CLMN: variants seen among roughly 807,000 people sequenced by gnomAD.
The protein encoded by CLMN is calmin, also known as calmin (calponin-like, transmembrane).
CLMN carries 57 observed loss-of-function variants against 92.7 expected under a neutral mutation model. The ratio of observed to expected loss-of-function variants is 0.61; its 90% confidence interval spans 0.50 to 0.77. The LOEUF is 0.77. CLMN is among the 30% of genes least tolerant of loss of function. The pLI is 0.00. For missense variants in CLMN, 1,158 were observed against 1,237.5 expected (o/e 0.94, Z 0.96); for synonymous variants, 466 against 470.6 (o/e 0.99, Z 0.13).
Position 95,252,493 on chromosome 14 carries a change from C to T in CLMN, c.83-22360G>A, listed in dbSNP as rs759626071. 9.2e-5 allele frequency among the ~76,000 whole-genome samples: 14 copies of T among 152,286 alleles called. No homozygotes were observed. In the East Asian group the frequency reaches 2.5e-3, roughly 27 times the overall value. On this transcript the variant is annotated intron_variant, in intron 1 of 12. Transcript: ENST00000298912. Reference sequence around the variant, plus strand: ...CAGTCCAAGCAAGACTCATTGCTTACGAGTAGCTGAGAGACATCTGGTCTG... The same window carrying T: ...CAGTCCAAGCAAGACTCATTGCTTATGAGTAGCTGAGAGACATCTGGTCTG...
In CLMN at chr14:95,191,947, C is replaced by T; in HGVS notation, c.2841-215G>A. The T allele has an allele frequency of 2.2e-6, 1 of 459,968 alleles. No individual in the cohort carries two copies. The allele number at this position is 459,968 out of a possible 1,614,324, so 28.5% of individuals were successfully genotyped here. On this transcript the variant is annotated intron_variant, in intron 12 of 12. Transcript: ENST00000298912. This position sits in a 1 kb window ranked among gnomAD's most constrained non-coding sequence, Gnocchi z 5.3. Reference sequence around the variant, plus strand: ...AGCCCCTCGAGCTTTTGCACGTACTCCGTTCATCTCCATAACATCAGGTGA... The same window carrying T: ...AGCCCCTCGAGCTTTTGCACGTACTTCGTTCATCTCCATAACATCAGGTGA...
In CLMN at chr14:95,314,102, G is replaced by GTT. The variant is rs1379663052; in HGVS notation, c.82+5608_82+5609insAA. Among the ~76,000 whole-genome samples the GTT allele has an allele frequency of 7.3e-4, 111 of 152,336 alleles. 1 individual carries two copies. The highest frequency in any genetic ancestry group is 2.5e-3 in the African/African-American group (105 of 41,576). On this transcript the variant is annotated intron_variant, in intron 1 of 12. Coordinates refer to ENST00000298912, the MANE Select transcript of CLMN (RefSeq NM_024734.4). ...CCCTCTCCCTGCTGCAAAGCCATTT[G>GTT]TGAGATGGGCTTCTGTTTTACCTGG...
intron 1 of CLMN, among the ~76,000 whole-genome samples, chr14:95,276,770 C>T (rs1294995387): frequency 1.3e-5 from 2 of 152,110 alleles, no homozygotes; most frequent in Non-Finnish European, 2.9e-5. Flanking sequence ...GAATTTGAGC[C>T]TTGCCAGGTG....
At chr14:95,312,570 C>A (rs1204525770) in intron 1 of CLMN, among the ~76,000 whole-genome samples, 1 of 152,170 alleles carries the variant, frequency 6.6e-6, no homozygotes, top group African/African-American at 2.4e-5. Flanking sequence ...TACTTGCTGA[C>A]AAGGACCCAT....
At position 95,203,691 on chromosome 14, in the gene CLMN, C is replaced by T; in HGVS notation, c.1658G>A (p.Gly553Glu). 1 of 1,614,146 alleles carries T rather than the reference C, an allele frequency of 6.2e-7. No homozygotes were observed. The highest frequency in any genetic ancestry group is 8.5e-7 in the Non-Finnish European group (1 of 1,180,026). The change falls in exon 9 of 13, where the codon GGA becomes GAA. Residue 553 changes from glycine (G) to glutamate (E), a missense_variant. Physicochemically the swap from Gly to Glu is moderately conservative, Grantham distance 98 (BLOSUM62 -2). Transcript: ENST00000298912. ...TAATGGGATGGCTTCAAAATAGTCTCCCTCCTCTAAAGCTTCTACAGTCAT... is the reference window on the plus strand; with the variant it reads ...TAATGGGATGGCTTCAAAATAGTCTTCCTCCTCTAAAGCTTCTACAGTCAT... ...NLMTVEALEE[G>E]DYFEAIPLKA... is the part of the protein sequence containing the mutation.
intron 1 of CLMN, among the ~76,000 whole-genome samples, chr14:95,316,636 T>C (rs1484926561): frequency 6.6e-6 from 1 of 152,212 alleles, no homozygotes; most frequent in Non-Finnish European, 1.5e-5. Context: ...GATAAAAGCC[T>C]TGGATGAGCA....
intron 1 of CLMN, among the ~76,000 whole-genome samples, chr14:95,246,606 G>C (rs1412519083): frequency 6.6e-6 from 1 of 152,164 alleles, no homozygotes; most frequent in Admixed American, 6.5e-5. Context: ...GTAGCTGGGA[G>C]TAGAGGCGCC....
intron 8 of CLMN, among the ~76,000 whole-genome samples, chr14:95,205,055 G>T (rs1897008979): frequency 6.6e-6 from 1 of 152,200 alleles, no homozygotes; most frequent in Admixed American, 6.5e-5. Flanking sequence ...CTGTGGTACT[G>T]CAGTGCTTGA....
rs1327503222 is a variant in CLMN at position 95,184,527 on chromosome 14, T to C, written c.*7037A>G. The C allele has an allele frequency of 2.0e-5, 3 of 152,340 alleles. No homozygotes were observed. The East Asian group carries it at 5.8e-4, about 29-fold the overall frequency. The allele number at this position is 152,340 out of a possible 1,614,324, so 9.4% of individuals were successfully genotyped here. A position where few individuals can be genotyped will look rare whatever the true frequency, so the allele number is the denominator to read the frequency against. On this transcript the variant is annotated 3_prime_UTR_variant, in exon 13 of 13. Coordinates refer to ENST00000298912, the MANE Select transcript of CLMN (RefSeq NM_024734.4). ...ATAGACAAGAATGTTTTTTGGCATGTTGCTCCAGCCCTGGCTGGGAGGAAC... is the reference window on the plus strand; with the variant it reads ...ATAGACAAGAATGTTTTTTGGCATGCTGCTCCAGCCCTGGCTGGGAGGAAC...
At chr14:95,193,114 C>T in intron 12 of CLMN, 1 of 531,410 alleles carries the variant, frequency 1.9e-6, no homozygotes, top group Non-Finnish European at 3.3e-6. Context: ...TCCTTCCAAG[C>T]CAATTCAAAT....
At chr14:95,292,490 C>T (rs1335099815) in intron 1 of CLMN, among the ~76,000 whole-genome samples, 1 of 139,338 alleles carries the variant, frequency 7.2e-6, no homozygotes, top group African/African-American at 2.6e-5. Context: ...GGCTCCATGG[C>T]CCTCCAGGAG....
At chr14:95,217,964 A>G (rs1234114566) in intron 4 of CLMN, among the ~76,000 whole-genome samples, 1 of 152,254 alleles carries the variant, frequency 6.6e-6, no homozygotes, top group Non-Finnish European at 1.5e-5. Context: ...CAAGGGGCAG[A>G]TATTTCCAAA....
rs1488635286 is a variant in CLMN, at chr14:95,210,568, T to C, written c.802+118A>G. The C allele has an allele frequency of 4.1e-6, 4 of 971,862 alleles. No individual in the cohort carries two copies. In the African/African-American group the frequency reaches 5.1e-5, roughly 12 times the overall value. The allele number at this position is 971,862 out of a possible 1,614,324, so 60.2% of individuals were successfully genotyped here. ...CCATATGATCTGAGTGGTAGAAATATAGGAGAAAAAATCTTCTTCATTAGA... is the reference window on the plus strand; with the variant it reads ...CCATATGATCTGAGTGGTAGAAATACAGGAGAAAAAATCTTCTTCATTAGA... On this transcript the variant is annotated intron_variant, in intron 7 of 12. Transcript: ENST00000298912.
At chr14:95,193,047 A>T in intron 12 of CLMN, 1 of 367,338 alleles carries the variant, frequency 2.7e-6, no homozygotes, top group Admixed American at 4.5e-5. Flanking sequence ...TCTAATGACC[A>T]CACTCTTGGG....
In CLMN at chr14:95,191,845, AG is replaced by A; in HGVS notation, c.2841-114del. 1 of 990,356 alleles carries A rather than the reference AG, an allele frequency of 1.0e-6. No homozygotes were observed. Among genetic ancestry groups the A allele is most frequent in the Non-Finnish European group, 1.5e-6 (1 of 681,546 alleles). 61.3% of individuals were successfully genotyped at this position (990,356 alleles called of 1,614,324 possible). ...CCCCACTCCCCGCCTGAAGACCCGA[AG>A]GCTCCCCAGCACCATGTCCAGGTAG... On this transcript the variant is annotated intron_variant, in intron 12 of 12. Coordinates refer to ENST00000298912, the MANE Select transcript of CLMN (RefSeq NM_024734.4). The surrounding 1 kb of genome is among the most constrained non-coding windows in gnomAD (Gnocchi z 5.3).
intron 1 of CLMN, among the ~76,000 whole-genome samples, chr14:95,239,144 G>A (rs572480822): frequency 3.1e-4 from 47 of 152,192 alleles, no homozygotes; most frequent in Non-Finnish European, 5.9e-4. Flanking sequence ...AGGGTGACAG[G>A]ACCAATCCAG....
chr14:95,312,431 G>A (rs2140799929), intron 1 of CLMN, among the ~76,000 whole-genome samples: 1 of 152,276 alleles, frequency 6.6e-6, no homozygotes, highest in Non-Finnish European at 1.5e-5. Flanking sequence ...CATACAACAA[G>A]CATTCCCTGC....
At chr14:95,229,545 A>G (rs1897817304) in intron 2 of CLMN, among the ~76,000 whole-genome samples, 1 of 152,134 alleles carries the variant, frequency 6.6e-6, no homozygotes, top group Non-Finnish European at 1.5e-5. Context: ...GGAGGGGGGT[A>G]ATTCAAGTCG....
At chr14:95,208,731 G>C (rs566572248) in intron 8 of CLMN, among the ~76,000 whole-genome samples, 2 of 152,296 alleles carry the variant, frequency 1.3e-5, no homozygotes, top group South Asian at 4.1e-4. Context: ...GTCACCCATG[G>C]TCAACTGTGG....
Sources: gnomAD v4.1 joint callset for allele counts (sites outside exome capture counted in the v4.1 genomes callset) on GRCh38, gnomAD v4.1.1 for gene constraint, Gnocchi (gnomAD v3.1) non-coding constraint, MANE v1.5 for transcripts, NCBI Gene and HGNC (gene_info 2026-07-23, HGNC 2026-07-21) for gene names.